The following DMD variants were observed in gnomAD, a reference collection of about 807,000 sequenced individuals.
DMD encodes the protein dystrophin, also known as mutant dystrophin.
DMD carries 63 observed loss-of-function variants against 330.1 expected under a neutral mutation model. The observed-to-expected ratio is 0.19, with a 90% CI of 0.16 to 0.24. DMD has a LOEUF of 0.24. Ranked by LOEUF, DMD falls within the 10% of genes least tolerant of loss-of-function variation. DMD has a pLI of 1.00. For missense variants in DMD, 3,344 were observed against 2,684.1 expected (o/e 1.25, Z -5.43); for synonymous variants, 1,223 against 959.8 (o/e 1.27, Z -5.07).
chrX:31,812,444 C>A (rs922675564), intron 50 of DMD, among the ~76,000 whole-genome samples: 1 of 103,454 alleles, frequency 9.7e-6, no homozygotes, highest in East Asian at 3.2e-4. Context: ...GGAGGGATAG[C>A]ATTAGGAGAT....
intron 76 of DMD, among the ~76,000 whole-genome samples, chrX:31,138,996 AG>A (rs1412206422): frequency 8.9e-6 from 1 of 112,356 alleles, no homozygotes; most frequent in Non-Finnish European, 1.9e-5. Context: ...ACTGAGTTCC[AG>A]TTGCACACTA....
intron 44 of DMD, among the ~76,000 whole-genome samples, chrX:32,077,069 G>T (rs563102900): frequency 8.9e-6 from 1 of 111,827 alleles, no homozygotes; most frequent in Middle Eastern, 4.2e-3. Flanking sequence ...AGGTGAAATA[G>T]ATCCATTTGC....
At chrX:31,898,688 C>A (rs776618078) in intron 47 of DMD, among the ~76,000 whole-genome samples, 13 of 112,081 alleles carry the variant, frequency 1.2e-4, no homozygotes, top group African/African-American at 3.6e-4. Flanking sequence ...CTAGGCATTA[C>A]AATTTCTTTT....
chrX:31,886,121 C>A (rs979388576), intron 47 of DMD, among the ~76,000 whole-genome samples: 2 of 110,545 alleles, frequency 1.8e-5, no homozygotes, highest in South Asian at 7.6e-4. Flanking sequence ...GCATTATTTT[C>A]AAAAAATTTA....
At chrX:32,071,350 G>A (rs921867332) in intron 44 of DMD, among the ~76,000 whole-genome samples, 1 of 109,347 alleles carries the variant, frequency 9.1e-6, no homozygotes, top group Admixed American at 9.8e-5. Context: ...TTTAATGATC[G>A]CCATTCTAAC....
chrX:32,618,889 G>A (rs1349763011), intron 11 of DMD, among the ~76,000 whole-genome samples: 1 of 111,123 alleles, frequency 9.0e-6, no homozygotes, highest in African/African-American at 3.3e-5. Flanking sequence ...CAGGCATCAT[G>A]GAAAACAGTA....
chrX:31,542,213 T>C (rs1380161448), intron 55 of DMD, among the ~76,000 whole-genome samples: 1 of 112,050 alleles, frequency 8.9e-6, no homozygotes, highest in Admixed American at 9.5e-5. Context: ...AGCAATTAAA[T>C]TAGGCTGATG....
At chrX:32,564,059 T>G (rs1197345616) in intron 16 of DMD, among the ~76,000 whole-genome samples, 1 of 111,419 alleles carries the variant, frequency 9.0e-6, no homozygotes, top group African/African-American at 3.3e-5. Context: ...ATCCCCTCTA[T>G]GGTCTGCAGA....
intron 2 of DMD, among the ~76,000 whole-genome samples, chrX:33,010,296 A>G (rs1461192026): frequency 3.1e-5 from 3 of 96,266 alleles, no homozygotes; most frequent in Non-Finnish European, 4.4e-5. Flanking sequence ...GTGTGTAAAT[A>G]TGTATATATG....
rs3061695 is a variant in DMD, at chrX:31,351,159, T to TAC, written c.9085-2527_9085-2526dup. On this transcript the variant is annotated intron_variant, in intron 60 of 78. Coordinates refer to ENST00000357033, the MANE Select transcript of DMD (RefSeq NM_004006.3). ...TCACACACACATAGACATACATATA[T>TAC]ACACACACACACACACACACATATA... 4.8e-3 allele frequency among the ~76,000 whole-genome samples: 509 copies of TAC among 105,110 alleles called. 3 individuals are homozygous for TAC. The highest frequency in any genetic ancestry group is 0.01 in the African/African-American group (291 of 28,524). 91.3% of individuals were successfully genotyped at this position (105,110 alleles called of 115,157 possible). A position where few individuals can be genotyped will look rare whatever the true frequency, so the allele number is the denominator to read the frequency against.
chrX:32,592,976 A>C (rs2055098197), intron 13 of DMD, among the ~76,000 whole-genome samples: 1 of 113,014 alleles, frequency 8.8e-6, no homozygotes, highest in African/African-American at 3.2e-5. Context: ...TGCAGCTGGC[A>C]TGCCTGTCTG....
At chrX:31,635,918 T>C (rs184981729) in intron 54 of DMD, among the ~76,000 whole-genome samples, 28 of 111,602 alleles carry the variant, frequency 2.5e-4, no homozygotes, top group Admixed American at 2.4e-3. Context: ...CACATACCAG[T>C]CAGAATGGCT....
At chrX:32,836,989 C>T (rs1052721372) in intron 4 of DMD, among the ~76,000 whole-genome samples, 1 of 111,305 alleles carries the variant, frequency 9.0e-6, no homozygotes, top group Non-Finnish European at 1.9e-5. Flanking sequence ...TGGTTGTCTC[C>T]AGAAGAATAG....
At chrX:33,140,840 TAAAC>T (rs776781717) in intron 1 of DMD, among the ~76,000 whole-genome samples, 3 of 111,648 alleles carry the variant, frequency 2.7e-5, no homozygotes, top group Admixed American at 1.9e-4. Flanking sequence ...TTGGCAAAAA[TAAAC>T]AAACAAAAAA....
At chrX:33,236,575 C>T (rs1240698943) in intron 1 of DMD, among the ~76,000 whole-genome samples, 5 of 111,294 alleles carry the variant, frequency 4.5e-5, no homozygotes, top group African/African-American at 6.6e-5. Flanking sequence ...TCTCCTTCCT[C>T]TTTCAAGTTG....
chrX:31,149,314 T>C (rs1211201043), intron 74 of DMD, among the ~76,000 whole-genome samples: 1 of 112,301 alleles, frequency 8.9e-6, no homozygotes, highest in Non-Finnish European at 1.9e-5. Flanking sequence ...TTCTAGTCTG[T>C]GGTTCTATCT....
Position 33,079,083 on chromosome X carries a change from T to G in DMD, c.32-58883A>C, listed in dbSNP as rs111770857. 4.5e-3 allele frequency among the ~76,000 whole-genome samples: 499 copies of G among 111,313 alleles called. 12 individuals are homozygous for G. The highest frequency in any genetic ancestry group is 5.6e-3 in the Non-Finnish European group (297 of 53,054). On this transcript the variant is annotated intron_variant, in intron 1 of 78. Transcript: ENST00000357033. ...TTCTCTCTTGTTGCCCAGGCTGGAG[T>G]GCAATGGCATGATCTTGGCTCACCG...
intron 59 of DMD, among the ~76,000 whole-genome samples, chrX:31,458,239 A>G (rs751830857): frequency 1.3e-4 from 14 of 111,126 alleles, no homozygotes; most frequent in Non-Finnish European, 2.5e-4. Context: ...ACTTCTGTGA[A>G]TACATGAGGT....
intron 16 of DMD, among the ~76,000 whole-genome samples, chrX:32,550,549 T>G (rs968487421): frequency 1.8e-5 from 2 of 110,780 alleles, no homozygotes; most frequent in African/African-American, 6.6e-5. Flanking sequence ...TAGAAGGATC[T>G]CTAATTACAA....
Sources: allele counts gnomAD v4.1 joint callset (sites outside exome capture counted in the v4.1 genomes callset), GRCh38; gene constraint gnomAD v4.1.1; transcripts MANE v1.5; gene names NCBI Gene and HGNC (gene_info 2026-07-23, HGNC 2026-07-21).